Variants in CEMIP2 observed in about 807,000 individuals in gnomAD.
CEMIP2 encodes the protein cell migration inducing hyaluronidase 2.
CEMIP2 carries 79 observed loss-of-function variants against 146.9 expected under a neutral mutation model. That is an observed-to-expected ratio of 0.54 (90% CI 0.45 to 0.65). The LOEUF is 0.65. Among genes scored for constraint, CEMIP2 ranks in the 30% least tolerant of loss-of-function variants. The pLI, the probability that CEMIP2 is intolerant of heterozygous loss-of-function variation, is 0.00. For synonymous variants in CEMIP2, 601 were observed against 606.3 expected, an observed-to-expected ratio of 0.99 and a Z score of 0.13; for missense variants, 1,596 against 1,696.2, an observed-to-expected ratio of 0.94 and a Z score of 1.04.
intron 4 of CEMIP2, among the ~76,000 whole-genome samples, chr9:71,741,908 A>G (rs1823932501): frequency 6.6e-6 from 1 of 152,012 alleles, no homozygotes; most frequent in East Asian, 1.9e-4. Flanking sequence ...GGCCTCCTAA[A>G]GTGCTTGGAT....
At chr9:71,686,454 T>C (rs1822062627) in intron 22 of CEMIP2, 2 of 153,508 alleles carry the variant, frequency 1.3e-5, no homozygotes, top group South Asian at 2.1e-4. Flanking sequence ...TTTCATTATA[T>C]ATTGCAATGT....
intron 10 of CEMIP2, among the ~76,000 whole-genome samples, chr9:71,726,819 G>A (rs1823397926): frequency 6.6e-6 from 1 of 152,168 alleles, no homozygotes; most frequent in Non-Finnish European, 1.5e-5. Context: ...CAGACAAGTT[G>A]ACGGGATAAG....
At chr9:71,687,318 T>A (rs1822092105) in intron 22 of CEMIP2, 1 of 152,174 alleles carries the variant, frequency 6.6e-6, no homozygotes, top group African/African-American at 2.4e-5. Flanking sequence ...CCCCTCCACC[T>A]CCAGTCCATG....
chr9:71,738,493 C>G (rs534037425), intron 5 of CEMIP2, among the ~76,000 whole-genome samples: 1 of 150,756 alleles, frequency 6.6e-6, no homozygotes, highest in South Asian at 2.1e-4. Flanking sequence ...CCAGCCTGGG[C>G]GACAGAACAA....
At chr9:71,723,362 A>G (rs1472158797) in intron 11 of CEMIP2, among the ~76,000 whole-genome samples, 1 of 152,246 alleles carries the variant, frequency 6.6e-6, no homozygotes, top group East Asian at 1.9e-4. Flanking sequence ...ATTTAAAAAA[A>G]AAAAAAGGAG....
At chr9:71,706,825 TTTATTA>T (rs150394190) in intron 17 of CEMIP2, among the ~76,000 whole-genome samples, 1 of 151,458 alleles carries the variant, frequency 6.6e-6, no homozygotes, top group African/African-American at 2.4e-5. Context: ...TATTTATTTA[TTTATTA>T]TTATTATTAT....
At chr9:71,695,701 A>G (rs1822379979) in intron 20 of CEMIP2, among the ~76,000 whole-genome samples, 1 of 152,158 alleles carries the variant, frequency 6.6e-6, no homozygotes, top group African/African-American at 2.4e-5. Context: ...AAAAATAAAC[A>G]GTCAAAATGA....
In CEMIP2 at chr9:71,685,832, A is replaced by G; in HGVS notation, c.3866T>C (p.Leu1289Ser). 6.2e-7 allele frequency: 1 copy of G among 1,613,976 alleles called. No individual in the cohort carries two copies. Among genetic ancestry groups the G allele is most frequent in the Non-Finnish European group, 8.5e-7 (1 of 1,179,898 alleles). Residue 1289 changes from leucine to serine, a missense_variant, in exon 23 of 24, where the codon TTG becomes TCG. Coordinates refer to ENST00000377044, the MANE Select transcript of CEMIP2 (RefSeq NM_013390.3). ...TGIPPRSIVLLSTRGEIKQLN... is the reference protein window; with the variant it reads ...TGIPPRSIVLSSTRGEIKQLN... Reference sequence around the variant, plus strand: ...CTGCTTTATTTCTCCTCTTGTGCTCAACAGAACAATGGACCTGTATGTGAA... The same window carrying G: ...CTGCTTTATTTCTCCTCTTGTGCTCGACAGAACAATGGACCTGTATGTGAA...
chr9:71,703,838 A>C (rs1822647355), intron 18 of CEMIP2, among the ~76,000 whole-genome samples: 1 of 152,162 alleles, frequency 6.6e-6, no homozygotes, highest in African/African-American at 2.4e-5. Flanking sequence ...AGATTGCTTC[A>C]TCAGAATCAT....
rs763665978 is a variant in CEMIP2 at position 71,730,243 on chromosome 9, G to T, written c.1784C>A (p.Thr595Asn). 3 of 1,613,892 alleles carry T rather than the reference G, an allele frequency of 1.9e-6. No individual in the cohort carries two copies. The highest frequency in any genetic ancestry group is 2.2e-5 in the South Asian group (2 of 91,070). Residue 595 changes from threonine (T) to asparagine (N), a missense_variant, in exon 9 of 24, where the codon ACC (threonine) becomes AAC (asparagine). Coordinates refer to ENST00000377044, the MANE Select transcript of CEMIP2 (RefSeq NM_013390.3). ...HGTNGLLIKD[T>N]IGFDTLGHCF... ...ATGACCTAGTGTGTCAAACCCAATGGTGTCTTTTATCTGCAGAAATAAAAG... is the reference window on the plus strand; with the variant it reads ...ATGACCTAGTGTGTCAAACCCAATGTTGTCTTTTATCTGCAGAAATAAAAG...
rs771541691 is a variant in CEMIP2, at chr9:71,725,576, C to A, written c.2178+5G>T. The A allele has an allele frequency of 4.3e-6, 7 of 1,613,056 alleles. No homozygotes were observed. Among genetic ancestry groups the A allele is most frequent in the Non-Finnish European group, 5.9e-6 (7 of 1,179,744 alleles). ...TGTACTAATTGTTAAAACTTAGAAA[C>A]CTACCTTAAAATTTGAATGGACCCT... On this transcript the variant is annotated splice_donor_5th_base_variant and intron_variant, in intron 11 of 23. Transcript: ENST00000377044.
At chr9:71,766,352 C>A (rs560335738) in intron 1 of CEMIP2, among the ~76,000 whole-genome samples, 1 of 152,158 alleles carries the variant, frequency 6.6e-6, no homozygotes, top group African/African-American at 2.4e-5. Context: ...GGATTACAGG[C>A]GTGAGCCAAT....
intron 22 of CEMIP2, among the ~76,000 whole-genome samples, chr9:71,689,110 G>A (rs1822154732): frequency 1.3e-5 from 2 of 152,268 alleles, no homozygotes; most frequent in South Asian, 4.1e-4. Flanking sequence ...GGAAGTGAGT[G>A]CATGTATTTT....
rs180960803 is a variant in CEMIP2 at position 71,720,733 on chromosome 9, T to G, written c.2267+1694A>C. Among the ~76,000 whole-genome samples the G allele has an allele frequency of 1.6e-3, 247 of 152,350 alleles. 1 individual carries two copies. The highest frequency in any genetic ancestry group is 5.7e-3 in the African/African-American group (237 of 41,568). Reference sequence around the variant, plus strand: ...TCATTTTTACCATGTCTAAATTGCATGAATATATATATGAGCATAGTCTAA... The same window carrying G: ...TCATTTTTACCATGTCTAAATTGCAGGAATATATATATGAGCATAGTCTAA... On this transcript the variant is annotated intron_variant, in intron 12 of 23. Coordinates refer to ENST00000377044, the MANE Select transcript of CEMIP2 (RefSeq NM_013390.3).
At chr9:71,735,124 A>G in intron 5 of CEMIP2, 130 bp from the exon 6 acceptor site, 1 of 1,022,018 alleles carries the variant, frequency 9.8e-7, no homozygotes. Flanking sequence ...ATTTTTACGC[A>G]TGCTACCATG....
chr9:71,728,231 C>CTCTCTATA (rs1554684626), intron 10 of CEMIP2, among the ~76,000 whole-genome samples: 1 of 14,774 alleles, frequency 6.8e-5, no homozygotes, highest in Non-Finnish European at 1.3e-4. Context: ...CTCTCTCTCT[C>CTCTCTATA]TATATATATA....
chr9:71,700,591 C>T, intron 19 of CEMIP2, 51 bp downstream of exon 19: 1 of 1,521,534 alleles, frequency 6.6e-7, no homozygotes, highest in Non-Finnish European at 8.8e-7. Flanking sequence ...AGCAATTTCA[C>T]CATTAAAGAA....
chr9:71,762,050 G>A (rs2132045333), intron 1 of CEMIP2, among the ~76,000 whole-genome samples: 1 of 151,084 alleles, frequency 6.6e-6, no homozygotes, highest in South Asian at 2.1e-4. Context: ...GGAGGGAGGG[G>A]AGGGTGACAC....
chr9:71,705,314 G>A (rs1360022421), intron 17 of CEMIP2, among the ~76,000 whole-genome samples: 1 of 151,404 alleles, frequency 6.6e-6, no homozygotes, highest in African/African-American at 2.4e-5. Context: ...AAGTTATAAA[G>A]TACTGTGCAA....
Sources: allele counts gnomAD v4.1 joint callset (sites outside exome capture counted in the v4.1 genomes callset), GRCh38; gene constraint gnomAD v4.1.1; transcripts MANE v1.5; gene names NCBI Gene and HGNC (gene_info 2026-07-23, HGNC 2026-07-21).